Variants in RPS6KA3 observed in about 807,000 individuals in gnomAD.
RPS6KA3 encodes ribosomal protein S6 kinase A3, also known as ribosomal protein S6 kinase alpha-3.
RPS6KA3 carries 4 observed loss-of-function variants against 67.2 expected under a neutral mutation model. The observed-to-expected ratio is 0.06, with a 90% CI of 0.03 to 0.14. The LOEUF (loss-of-function observed/expected upper bound fraction) is 0.14, where lower values mean the gene tolerates loss of function less well. Ranked by LOEUF, RPS6KA3 falls within the 10% of genes least tolerant of loss-of-function variation. RPS6KA3 has a pLI of 1.00. For missense variants in RPS6KA3, 204 were observed against 559.0 expected (o/e 0.36, Z 6.40); for synonymous variants, 182 against 183.7 (o/e 0.99, Z 0.07).
At position 20,266,718 on chromosome X, in the gene RPS6KA3, ACGGCAGCGGCGGCGGCGGCGGCGGCGG is replaced by A. The variant is rs1352670391; in HGVS notation, c.-113_-87del. On this transcript the variant is annotated 5_prime_UTR_variant, in exon 1 of 22. Coordinates refer to ENST00000379565, the MANE Select transcript of RPS6KA3 (RefSeq NM_004586.3). ...CCCGCTCCGTCGCCGCCCGAGCCCC[ACGGCAGCGGCGGCGGCGGCGGCGGCGG>A]CGGCAGCGGCAGCGGCAGCGGCAGC... 1 of 581,016 alleles carries A rather than the reference ACGGCAGCGGCGGCGGCGGCGGCGGCGG, an allele frequency of 1.7e-6. No homozygotes were observed. The highest frequency in any genetic ancestry group is 2.0e-6 in the Non-Finnish European group (1 of 496,321). 47.9% of individuals were successfully genotyped at this position (581,016 alleles called of 1,213,427 possible).
chrX:20,195,973 G>T lies in RPS6KA3; in HGVS notation c.326-828C>A, dbSNP rs866618803. On this transcript the variant is annotated intron_variant, in intron 4 of 21. Transcript: ENST00000379565. Reference sequence around the variant, plus strand: ...ATATGCAAAGTAGCACCATGAATATGATTAAGGGATAAAACAATTTACTAC... The same window carrying T: ...ATATGCAAAGTAGCACCATGAATATTATTAAGGGATAAAACAATTTACTAC... Among the ~76,000 whole-genome samples the T allele has an allele frequency of 2.7e-5, 3 of 112,263 alleles. No homozygotes were observed. In the South Asian group the frequency reaches 1.1e-3, roughly 41 times the overall value.
At chrX:20,166,525 A>T (rs189066158) in intron 17 of RPS6KA3, among the ~76,000 whole-genome samples, 1 of 111,333 alleles carries the variant, frequency 9.0e-6, no homozygotes, top group Admixed American at 9.6e-5. Context: ...CTTAAGAAGT[A>T]ATCTTTTATA....
chrX:20,264,246 A>T (rs1440997708), intron 1 of RPS6KA3, among the ~76,000 whole-genome samples: 4 of 112,621 alleles, frequency 3.6e-5, no homozygotes, highest in African/African-American at 1.3e-4. Flanking sequence ...TAGCAAGAAA[A>T]TTCTTTGAAA....
chrX:20,211,259 G>A (rs2148736491), intron 2 of RPS6KA3, among the ~76,000 whole-genome samples: 1 of 111,425 alleles, frequency 9.0e-6, no homozygotes, highest in South Asian at 3.7e-4. Flanking sequence ...TTTACCACTA[G>A]AAATTTGACA....
chrX:20,230,827 A>G (rs2069243126), intron 2 of RPS6KA3, among the ~76,000 whole-genome samples: 1 of 112,085 alleles, frequency 8.9e-6, no homozygotes, highest in Non-Finnish European at 1.9e-5. Flanking sequence ...CTAACATTTT[A>G]AATATACATA....
intron 19 of RPS6KA3, 121 bp downstream of exon 19, chrX:20,162,843 T>A: frequency 1.8e-6 from 1 of 558,712 alleles, no homozygotes; most frequent in Non-Finnish European, 3.2e-6. Flanking sequence ...TGAGACCCTG[T>A]CTCTAAAGAA....
chrX:20,255,845 A>G (rs2147066773), intron 1 of RPS6KA3, among the ~76,000 whole-genome samples: 1 of 99,921 alleles, frequency 1.0e-5, no homozygotes, highest in South Asian at 5.1e-4. Flanking sequence ...GCAGTGGCTC[A>G]TGCCTGTAAT....
rs186726578 is a variant in RPS6KA3, at chrX:20,227,695, T to A, written c.126+7063A>T. ...CATTTTGGAAAATTGCTTTTTTTTTTAAAATTTGGTATTTTAGTATTCCAC... is the reference window on the plus strand; with the variant it reads ...CATTTTGGAAAATTGCTTTTTTTTTAAAAATTTGGTATTTTAGTATTCCAC... On this transcript the variant is annotated intron_variant, in intron 2 of 21. Coordinates refer to ENST00000379565, the MANE Select transcript of RPS6KA3 (RefSeq NM_004586.3). 5.1e-4 allele frequency among the ~76,000 whole-genome samples: 56 copies of A among 110,156 alleles called. 2 individuals carry two copies. The East Asian group carries it at 7.3e-3, about 14-fold the overall frequency.
intron 19 of RPS6KA3, among the ~76,000 whole-genome samples, chrX:20,162,144 T>C (rs907380019): frequency 1.8e-5 from 2 of 108,957 alleles, no homozygotes; most frequent in African/African-American, 6.7e-5. Context: ...GAGACCAGCC[T>C]GGCCAACATG....
chrX:20,221,996 C>T (rs116349026), intron 2 of RPS6KA3, among the ~76,000 whole-genome samples: 2,498 of 112,604 alleles, frequency 0.022, 64 homozygotes, highest in African/African-American at 0.071. Context: ...CCAAATCTGC[C>T]CATGTCCATC....
chrX:20,247,948 T>C (rs938523663), intron 1 of RPS6KA3, among the ~76,000 whole-genome samples: 1 of 112,115 alleles, frequency 8.9e-6, no homozygotes, highest in Non-Finnish European at 1.9e-5. Context: ...TTCTCATTTT[T>C]TCAAATTGTT....
At chrX:20,253,706 A>C (rs1247445529) in intron 1 of RPS6KA3, among the ~76,000 whole-genome samples, 1 of 111,594 alleles carries the variant, frequency 9.0e-6, no homozygotes, top group Non-Finnish European at 1.9e-5. Flanking sequence ...ACTACAGAAA[A>C]CTGCTGTAAC....
At chrX:20,187,610 A>G (rs748343066) in intron 9 of RPS6KA3, among the ~76,000 whole-genome samples, 5 of 112,290 alleles carry the variant, frequency 4.5e-5, no homozygotes, top group Non-Finnish European at 7.5e-5. Context: ...CAGGAAATCT[A>G]TGGTAATATT....
At chrX:20,212,975 C>G (rs2068756594) in intron 2 of RPS6KA3, among the ~76,000 whole-genome samples, 1 of 111,608 alleles carries the variant, frequency 9.0e-6, no homozygotes, top group South Asian at 3.7e-4. Flanking sequence ...ATCTTTTTGA[C>G]AAATTCATTT....
At chrX:20,255,585 G>C (rs1293163556) in intron 1 of RPS6KA3, among the ~76,000 whole-genome samples, 1 of 109,942 alleles carries the variant, frequency 9.1e-6, no homozygotes, top group Admixed American at 9.7e-5. Flanking sequence ...CCAGAAGTTC[G>C]AGACCAACCT....
At chrX:20,247,977 A>G (rs774988293) in intron 1 of RPS6KA3, among the ~76,000 whole-genome samples, 137 of 110,822 alleles carry the variant, frequency 1.2e-3, no homozygotes, top group African/African-American at 4.0e-3. Context: ...CAATTCAGTG[A>G]TTTTCTTCAT....
In RPS6KA3 at chrX:20,176,447, G is replaced by A. The variant is rs758308122; in HGVS notation, c.986C>T (p.Thr329Met). The stretch of plus-strand genomic sequence containing the variant: ...TTCTATACTTACATTCCAGTCTATC[G>A]TTGAGAAAAATGAATGTCTTTTAAT... ...EEIKRHSFFS[T>M]IDWNKLYRRE... The change falls in exon 12 of 22, where the codon ACG becomes ATG. Residue 329 changes from threonine (T) to methionine (M), a missense_variant. Thr to Met is a moderately conservative substitution (Grantham distance 81). This residue lies in a region of RPS6KA3 where 76 missense variants were observed against 250.3 expected (regional missense o/e 0.30). Transcript: ENST00000379565. The A allele has an allele frequency of 5.0e-6, 6 of 1,189,942 alleles. No individual in the cohort carries two copies. The highest frequency in any genetic ancestry group is 1.8e-5 in the African/African-American group (1 of 57,079).
At chrX:20,267,022 T>G, upstream of RPS6KA3, 1 of 752,550 alleles carries the variant, frequency 1.3e-6, no homozygotes, top group Non-Finnish European at 1.6e-6. Context: ...GCTCACAACA[T>G]GGCGCCTAAG....
chrX:20,237,446 T>C (rs757372399), intron 1 of RPS6KA3, among the ~76,000 whole-genome samples: 43 of 111,833 alleles, frequency 3.8e-4, no homozygotes, highest in African/African-American at 1.3e-3. Context: ...TCACAACTTA[T>C]AACTTACTTT....
Sources: allele counts gnomAD v4.1 joint callset (sites outside exome capture counted in the v4.1 genomes callset), GRCh38; gene constraint gnomAD v4.1.1; regional missense constraint gnomAD v4.1.1; transcripts MANE v1.5; gene names NCBI Gene and HGNC (gene_info 2026-07-23, HGNC 2026-07-21).